DAB1: variants seen among roughly 807,000 people sequenced by gnomAD.
DAB1 encodes the protein DAB adaptor protein 1, also known as disabled homolog 1.
DAB1 carries 15 observed loss-of-function variants against 64.6 expected under a neutral mutation model. The observed-to-expected ratio is 0.23, with a 90% CI of 0.16 to 0.36. DAB1 has a LOEUF of 0.36. Among genes scored for constraint, DAB1 ranks in the 10% least tolerant of loss-of-function variants. DAB1 has a pLI of 1.00. For synonymous variants in DAB1, 235 were observed against 251.9 expected (o/e 0.93, Z 0.64); for missense variants, 596 against 706.7 (o/e 0.84, Z 1.78).
chr1:57,737,858 C>T (rs764550961), intron 6 of DAB1, among the ~76,000 whole-genome samples: 10 of 152,292 alleles, frequency 6.6e-5, no homozygotes, highest in African/African-American at 1.2e-4. Flanking sequence ...CTATGACCCA[C>T]GTTTCTGTCA....
At chr1:57,335,664 G>A (rs1387486388) in intron 1 of DAB1, among the ~76,000 whole-genome samples, 2 of 152,064 alleles carry the variant, frequency 1.3e-5, no homozygotes, top group East Asian at 3.9e-4. Context: ...AAATTTACAT[G>A]GCATACCCCT....
chr1:58,092,723 G>T (rs909963303), intron 5 of DAB1, among the ~76,000 whole-genome samples: 1 of 152,104 alleles, frequency 6.6e-6, no homozygotes, highest in Non-Finnish European at 1.5e-5. Context: ...TAGAGAGTAG[G>T]TGCTCAAATA....
At chr1:57,229,916 C>G (rs1667544554) in intron 2 of DAB1, among the ~76,000 whole-genome samples, 1 of 152,168 alleles carries the variant, frequency 6.6e-6, no homozygotes. Context: ...TCCATCTCCC[C>G]AATCAACAGT....
intron 5 of DAB1, 27 bp downstream of exon 5, chr1:57,072,256 A>T (rs760920187): frequency 1.9e-6 from 3 of 1,611,054 alleles, no homozygotes; most frequent in African/African-American, 2.7e-5. Flanking sequence ...CCAAGGAAAG[A>T]CTCCCTTCTT....
At chr1:58,406,718 C>G (rs946934499) in intron 3 of DAB1, among the ~76,000 whole-genome samples, 11 of 89,576 alleles carry the variant, frequency 1.2e-4, no homozygotes, top group Admixed American at 3.1e-4. Context: ...ATCCCCCCCC[C>G]CCAACTGCCA....
chr1:58,283,362 T>C (rs1661610385), intron 4 of DAB1, among the ~76,000 whole-genome samples: 2 of 152,184 alleles, frequency 1.3e-5, no homozygotes, highest in Non-Finnish European at 2.9e-5. Context: ...GAAATGACCC[T>C]TAAAATGTAG....
chr1:57,734,547 A>G (rs1408516658), intron 6 of DAB1, among the ~76,000 whole-genome samples: 2 of 152,210 alleles, frequency 1.3e-5, no homozygotes, highest in South Asian at 4.1e-4. Context: ...AAACTGAAGC[A>G]TCTATTCCAT....
chr1:58,372,829 C>T (rs1261573693), intron 3 of DAB1, among the ~76,000 whole-genome samples: 1 of 152,154 alleles, frequency 6.6e-6, no homozygotes. Flanking sequence ...ACATGCCTTG[C>T]TTTCCATTCA....
At chr1:57,595,629 C>T (rs957763026) in intron 7 of DAB1, among the ~76,000 whole-genome samples, 1 of 151,796 alleles carries the variant, frequency 6.6e-6, no homozygotes, top group Non-Finnish European at 1.5e-5. Flanking sequence ...TCTGTGTTCC[C>T]CCCCCACCCC....
At chr1:57,815,878 T>C (rs1165664870) in intron 6 of DAB1, among the ~76,000 whole-genome samples, 1 of 152,206 alleles carries the variant, frequency 6.6e-6, no homozygotes, top group Non-Finnish European at 1.5e-5. Context: ...CCAAGCATCT[T>C]AAGAACAGGA....
chr1:58,326,152 CCAAATGCTA>C (rs1449375121), intron 4 of DAB1, among the ~76,000 whole-genome samples: 1 of 152,138 alleles, frequency 6.6e-6, no homozygotes, highest in Non-Finnish European at 1.5e-5. Flanking sequence ...GAAAAAAGCC[CCAAATGCTA>C]ATTAGTCCTC....
At chr1:58,214,692 C>T (rs1198595698) in intron 4 of DAB1, among the ~76,000 whole-genome samples, 2 of 152,194 alleles carry the variant, frequency 1.3e-5, no homozygotes, top group Non-Finnish European at 2.9e-5. Flanking sequence ...TACAAGCTTG[C>T]TAGCTTTCAG....
chr1:57,312,696 C>T (rs1195775734), intron 1 of DAB1, among the ~76,000 whole-genome samples: 3 of 151,846 alleles, frequency 2.0e-5, no homozygotes, highest in Non-Finnish European at 4.4e-5. Context: ...GTGTCTTGTG[C>T]CTTGAATGTA....
At chr1:57,000,297 G>C (rs1459740642) in intron 14 of DAB1, among the ~76,000 whole-genome samples, 3 of 151,992 alleles carry the variant, frequency 2.0e-5, no homozygotes, top group Non-Finnish European at 2.9e-5. Context: ...GCCCACCTCG[G>C]CCTCCCAAAG....
At chr1:57,284,984 G>A (rs1291683637) in intron 2 of DAB1, among the ~76,000 whole-genome samples, 3 of 152,230 alleles carry the variant, frequency 2.0e-5, no homozygotes, top group Admixed American at 1.3e-4. Context: ...TCCCATTAAA[G>A]CCTTGATTCT....
At chr1:58,372,398 C>T (rs1438502036) in intron 3 of DAB1, among the ~76,000 whole-genome samples, 1 of 152,182 alleles carries the variant, frequency 6.6e-6, no homozygotes, top group Non-Finnish European at 1.5e-5. Flanking sequence ...GTCTGTACCC[C>T]CATTGTATCT....
intron 5 of DAB1, among the ~76,000 whole-genome samples, chr1:57,952,470 T>A (rs1248232843): frequency 6.6e-6 from 1 of 152,048 alleles, no homozygotes; most frequent in African/African-American, 2.4e-5. Context: ...ACTAATCATA[T>A]CCTGAGGATG....
intron 6 of DAB1, among the ~76,000 whole-genome samples, chr1:57,814,396 C>T (rs529661820): frequency 2.0e-5 from 3 of 152,288 alleles, no homozygotes; most frequent in East Asian, 3.9e-4. Context: ...CAAGAAGCTT[C>T]CTTCAGCCAG....
chr1:57,663,550 C>A (rs1646411989), intron 6 of DAB1, among the ~76,000 whole-genome samples: 1 of 152,064 alleles, frequency 6.6e-6, no homozygotes, highest in Non-Finnish European at 1.5e-5. Context: ...CTGCACTGTA[C>A]AATACTTTAC....
Sources: gnomAD v4.1 joint callset for allele counts (sites outside exome capture counted in the v4.1 genomes callset) on GRCh38, gnomAD v4.1.1 for gene constraint, MANE v1.5 for transcripts, NCBI Gene and HGNC (gene_info 2026-07-23, HGNC 2026-07-21) for gene names.